The following POC1B variants were observed in gnomAD, a reference collection of about 807,000 sequenced individuals.
POC1B encodes the protein POC1 centriolar protein homolog B.
In POC1B, 44 loss-of-function variants were observed where a neutral mutation model predicts 60.6. That is an observed-to-expected ratio of 0.73 (90% CI 0.57 to 0.93). POC1B has a LOEUF of 0.93. Among genes scored for constraint, POC1B ranks in the 40% least tolerant of loss-of-function variants. The probability of loss-of-function intolerance (pLI) is 0.00; values close to 1 mark genes in which losing one functional copy is unlikely to be tolerated. For missense variants in POC1B, 555 were observed against 572.3 expected, an observed-to-expected ratio of 0.97 and a Z score of 0.31; for synonymous variants, 180 against 198.9, an observed-to-expected ratio of 0.90 and a Z score of 0.80.
At chr12:89,480,373 G>A (rs1056039517) in intron 4 of POC1B, among the ~76,000 whole-genome samples, 1 of 151,332 alleles carries the variant, frequency 6.6e-6, no homozygotes, top group Non-Finnish European at 1.5e-5. Flanking sequence ...CTGGACTCAA[G>A]CAATCCACTC....
At chr12:89,456,830 T>A (rs1882280941) in intron 10 of POC1B, among the ~76,000 whole-genome samples, 1 of 152,132 alleles carries the variant, frequency 6.6e-6, no homozygotes, top group African/African-American at 2.4e-5. Context: ...AGCACAGATA[T>A]CAGTACACTT....
At chr12:89,459,798 AT>A in intron 9 of POC1B, 80 bp from the exon 10 acceptor site, 2 of 733,940 alleles carry the variant, frequency 2.7e-6, no homozygotes, top group Non-Finnish European at 4.2e-6. Flanking sequence ...CCTGGAGGGC[AT>A]TTTCTAATAT....
At chr12:89,480,908 G>A (rs1204676269) in intron 4 of POC1B, among the ~76,000 whole-genome samples, 1 of 151,606 alleles carries the variant, frequency 6.6e-6, no homozygotes, top group African/African-American at 2.4e-5. Flanking sequence ...CCTAATTTTT[G>A]TATTTTTAAT....
At chr12:89,525,683 G>A (rs1871410778) in intron 1 of POC1B, 198 bp downstream of exon 1, 2 of 1,242,706 alleles carry the variant, frequency 1.6e-6, no homozygotes, top group East Asian at 3.0e-5. Context: ...GCGTCCGGGA[G>A]CCGGGTCTGG....
At chr12:89,523,027 T>C (rs1300400910) in intron 2 of POC1B, 2 of 1,613,824 alleles carry the variant, frequency 1.2e-6, no homozygotes, top group Admixed American at 1.7e-5. Flanking sequence ...ATTTTTTTGC[T>C]CAGGTACCTC....
At chr12:89,415,255 T>C (rs1026763828), downstream of POC1B, among the ~76,000 whole-genome samples, 7 of 152,236 alleles carry the variant, frequency 4.6e-5, no homozygotes, top group Non-Finnish European at 8.8e-5. Context: ...ATTTATTCAC[T>C]ACCACTTAGT....
intron 2 of POC1B, chr12:89,502,364 G>A (rs1359341338): frequency 4.2e-5 from 68 of 1,608,952 alleles, no homozygotes; most frequent in East Asian, 2.0e-4. Flanking sequence ...GAGTACTGGC[G>A]AGGACAGCAA....
intron 7 of POC1B, among the ~76,000 whole-genome samples, chr12:89,468,502 G>A (rs944265782): frequency 4.6e-5 from 7 of 152,146 alleles, no homozygotes. Context: ...TTCCCAAGTA[G>A]ACTATCCCAC....
chr12:89,472,300 T>C, intron 4 of POC1B, 25 bp from the exon 5 acceptor site: 1 of 1,487,086 alleles, frequency 6.7e-7, no homozygotes, highest in Admixed American at 1.7e-5. Flanking sequence ...AAAGAAGATG[T>C]TTTATGTGAA....
chr12:89,443,391 A>AT (rs1415515119), intron 10 of POC1B, among the ~76,000 whole-genome samples: 1 of 152,262 alleles, frequency 6.6e-6, no homozygotes, highest in Non-Finnish European at 1.5e-5. Context: ...AACAGAAATG[A>AT]TAACAAACTG....
intron 9 of POC1B, among the ~76,000 whole-genome samples, chr12:89,463,935 G>A (rs1276673322): frequency 1.3e-5 from 2 of 152,118 alleles, no homozygotes; most frequent in Admixed American, 1.3e-4. Context: ...TTTGCAAAAG[G>A]CCAAACTATT....
intron 2 of POC1B, chr12:89,522,917 C>T (rs930462078): frequency 6.8e-6 from 11 of 1,613,918 alleles, no homozygotes; most frequent in African/African-American, 6.7e-5. Flanking sequence ...AGACACAGTC[C>T]TGAGTGTGGG....
chr12:89,406,834 T>C, the POC1B span, among the ~76,000 whole-genome samples: 1 of 151,838 alleles, frequency 6.6e-6, no homozygotes, highest in East Asian at 1.9e-4. Context: ...TACCAGGTCT[T>C]CCAATTTTTC....
At chr12:89,515,271 A>G (rs1392109102) in intron 2 of POC1B, among the ~76,000 whole-genome samples, 1 of 152,128 alleles carries the variant, frequency 6.6e-6, no homozygotes, top group African/African-American at 2.4e-5. Flanking sequence ...GGAAACACAG[A>G]CAAATATATC....
At chr12:89,441,110 T>C (rs1162312024) in intron 10 of POC1B, among the ~76,000 whole-genome samples, 1 of 152,160 alleles carries the variant, frequency 6.6e-6, no homozygotes, top group Non-Finnish European at 1.5e-5. Context: ...TAAACAAAGT[T>C]GCCAGGAAGC....
intron 10 of POC1B, 182 bp from the exon 11 acceptor site, chr12:89,425,561 A>C (rs1424633434): frequency 2.1e-6 from 1 of 483,172 alleles, no homozygotes; most frequent in Non-Finnish European, 3.6e-6. Flanking sequence ...TCTTATAATA[A>C]GGAAACAAAG....
At chr12:89,495,656 TG>T (rs1371088581) in intron 3 of POC1B, among the ~76,000 whole-genome samples, 1 of 152,190 alleles carries the variant, frequency 6.6e-6, no homozygotes, top group Non-Finnish European at 1.5e-5. Context: ...ACCAGTTCCA[TG>T]GAAGACCATT....
intron 10 of POC1B, among the ~76,000 whole-genome samples, chr12:89,444,365 T>C (rs1239099651): frequency 6.6e-6 from 1 of 152,228 alleles, no homozygotes; most frequent in Non-Finnish European, 1.5e-5. Context: ...AATAAAATAC[T>C]GGCAAACTGA....
chr12:89,454,988 T>A (rs1372363711), intron 10 of POC1B, among the ~76,000 whole-genome samples: 3 of 150,034 alleles, frequency 2.0e-5, no homozygotes, highest in Non-Finnish European at 4.4e-5. Context: ...ACTGATGCAT[T>A]TTTATTACCA....
Sources: allele counts gnomAD v4.1 joint callset (sites outside exome capture counted in the v4.1 genomes callset), GRCh38; gene constraint gnomAD v4.1.1; transcripts MANE v1.5; gene names NCBI Gene and HGNC (gene_info 2026-07-23, HGNC 2026-07-21).